OSBPL1A: variants seen among roughly 807,000 people sequenced by gnomAD.
OSBPL1A encodes oxysterol binding protein like 1A.
A neutral mutation model predicts 137.1 loss-of-function variants in OSBPL1A; 80 were observed. The ratio of observed to expected loss-of-function variants is 0.58; its 90% CI spans 0.49 to 0.70. The LOEUF (loss-of-function observed/expected upper bound fraction) is 0.70, where lower values mean the gene tolerates loss of function less well. Among genes scored for constraint, OSBPL1A ranks in the 30% least tolerant of loss-of-function variants. The pLI, the probability that OSBPL1A is intolerant of heterozygous loss-of-function variation, is 0.00. For synonymous variants in OSBPL1A, 365 were observed against 389.7 expected (o/e 0.94, Z 0.75); for missense variants, 970 against 1,129.4 (o/e 0.86, Z 2.02).
chr18:24,367,619 G>C (rs1283129678), intron 3 of OSBPL1A: 2 of 149,732 alleles, frequency 1.3e-5, no homozygotes, highest in African/African-American at 4.9e-5. Flanking sequence ...CTCCAGCCTG[G>C]GTGACAAAGT....
At chr18:24,348,419 C>A (rs964215154) in intron 4 of OSBPL1A, among the ~76,000 whole-genome samples, 2 of 152,108 alleles carry the variant, frequency 1.3e-5, no homozygotes, top group African/African-American at 4.8e-5. Context: ...TATTATTACA[C>A]CTCTTTTTAA....
chr18:24,373,555 C>T (rs1167455051), intron 2 of OSBPL1A, among the ~76,000 whole-genome samples: 1 of 152,134 alleles, frequency 6.6e-6, no homozygotes, highest in African/African-American at 2.4e-5. Flanking sequence ...TCTCCCAGAC[C>T]CTAAAAACAC....
intron 17 of OSBPL1A, among the ~76,000 whole-genome samples, chr18:24,213,673 A>G (rs916067240): frequency 1.3e-5 from 2 of 152,190 alleles, no homozygotes; most frequent in Non-Finnish European, 2.9e-5. Context: ...GATGTTTTAA[A>G]TTACTTATCT....
rs540160089 is a variant in OSBPL1A at position 24,376,730 on chromosome 18, A to T, written c.121+683T>A. 4.6e-3 allele frequency among the ~76,000 whole-genome samples: 705 copies of T among 152,356 alleles called. 4 individuals carry two copies. The highest frequency in any genetic ancestry group is 0.016 in the African/African-American group (675 of 41,588). On this transcript the variant is annotated intron_variant, in intron 2 of 27. Coordinates refer to ENST00000319481, the MANE Select transcript of OSBPL1A (RefSeq NM_080597.4). Reference sequence around the variant, plus strand: ...CAGGTCCTGAGCCCTGCCCCGCAGGAAGGCAGCTAAGGCCCGGTGAGAGAT... The same window carrying T: ...CAGGTCCTGAGCCCTGCCCCGCAGGTAGGCAGCTAAGGCCCGGTGAGAGAT...
chr18:24,358,331 AT>A (rs2091570044), intron 4 of OSBPL1A: 1 of 617,264 alleles, frequency 1.6e-6, no homozygotes, highest in African/African-American at 1.8e-5. Flanking sequence ...TTGAAGCATC[AT>A]CTCCTCTGCA....
chr18:24,167,254 C>A, intron 25 of OSBPL1A, 75 bp downstream of exon 25: 1 of 1,387,842 alleles, frequency 7.2e-7, no homozygotes. Flanking sequence ...CTGGGCCGAC[C>A]CTACACGTGC....
chr18:24,180,944 G>A (rs1023150806), intron 19 of OSBPL1A, among the ~76,000 whole-genome samples: 14 of 152,212 alleles, frequency 9.2e-5, no homozygotes, highest in African/African-American at 3.4e-4. Flanking sequence ...GCCACCTCCT[G>A]CTTCTCCTGC....
chr18:24,377,378 AT>A, intron 2 of OSBPL1A, 34 bp downstream of exon 2: 1 of 1,588,710 alleles, frequency 6.3e-7, no homozygotes, highest in Non-Finnish European at 8.5e-7. Context: ...GTGCAGACTC[AT>A]AAGAGAAAGC....
In OSBPL1A at chr18:24,167,190, G is replaced by A. The variant is rs1027911610; in HGVS notation, c.2535+139C>T. The A allele has an allele frequency of 2.2e-5, 16 of 720,058 alleles. No homozygotes were observed. In the African/African-American group the frequency reaches 2.8e-4, roughly 13 times the overall value. 44.6% of individuals were successfully genotyped at this position (720,058 alleles called of 1,614,324 possible). A position where few individuals can be genotyped will look rare whatever the true frequency, so the allele number is the denominator to read the frequency against. On this transcript the variant is annotated intron_variant, in intron 25 of 27. Transcript: ENST00000319481. ...CGCGCTGAGCTCAGGCAAGAAGGGA[G>A]CACCCGGGAGCCAGTGGGGGCTCAG...
chr18:24,163,112 A>C lies in OSBPL1A; in HGVS notation c.*67T>G. ...AAAAGATAAGTAGAAACCAAGGGAA[A>C]AAAATTTAAAAACATAGGTTTAAGA... On this transcript the variant is annotated 3_prime_UTR_variant, in exon 28 of 28. Transcript: ENST00000319481. 2 of 1,255,044 alleles carry C rather than the reference A, an allele frequency of 1.6e-6. No homozygotes were observed. Among genetic ancestry groups the C allele is most frequent in the South Asian group, 1.4e-5 (1 of 72,406 alleles). 77.7% of individuals were successfully genotyped at this position (1,255,044 alleles called of 1,614,324 possible).
chr18:24,307,274 C>T (rs910438926), intron 13 of OSBPL1A, among the ~76,000 whole-genome samples: 2 of 151,986 alleles, frequency 1.3e-5, no homozygotes, highest in Admixed American at 6.6e-5. Flanking sequence ...CAAAGTGAGA[C>T]CCTGTCTCAA....
At position 24,294,294 on chromosome 18, in the gene OSBPL1A, C is replaced by T. The variant is rs565349500; in HGVS notation, c.1174+9343G>A. 5.9e-5 allele frequency among the ~76,000 whole-genome samples: 9 copies of T among 151,728 alleles called. No individual in the cohort carries two copies. The South Asian group carries it at 1.7e-3, about 28-fold the overall frequency. On this transcript the variant is annotated intron_variant, in intron 14 of 27. Coordinates refer to ENST00000319481, the MANE Select transcript of OSBPL1A (RefSeq NM_080597.4). ...TTGCCCAGGCTGGAGTGCAGTGGCG[C>T]GATCTCGGCTCACTGCAACCTCCTC... is the stretch of plus-strand genomic sequence containing the variant.
chr18:24,194,231 A>G lies in OSBPL1A; in HGVS notation c.1677+1894T>C, dbSNP rs1042226999. Among the ~76,000 whole-genome samples, 69 of 152,372 alleles carry G rather than the reference A, an allele frequency of 4.5e-4. 1 individual carries two copies. The highest frequency in any genetic ancestry group is 1.6e-3 in the African/African-American group (66 of 41,590). ...TGACCAAATAACCTTACAAAGATAC[A>G]GTACAAATTCTATAGTAACTCAGAG... On this transcript the variant is annotated intron_variant, in intron 18 of 27. Coordinates refer to ENST00000319481, the MANE Select transcript of OSBPL1A (RefSeq NM_080597.4).
chr18:24,189,436 G>A (rs1041721670), intron 18 of OSBPL1A, among the ~76,000 whole-genome samples: 1 of 152,174 alleles, frequency 6.6e-6, no homozygotes, highest in African/African-American at 2.4e-5. Flanking sequence ...AAGCCCTGGT[G>A]GGTCCCCAGG....
intron 7 of OSBPL1A, among the ~76,000 whole-genome samples, chr18:24,331,567 T>G (rs2091078856): frequency 6.6e-6 from 1 of 151,562 alleles, no homozygotes; most frequent in Non-Finnish European, 1.5e-5. Context: ...CGGCTAATTT[T>G]TTGTATTTTT....
intron 15 of OSBPL1A, among the ~76,000 whole-genome samples, chr18:24,273,438 AAATG>A (rs1393318793): frequency 2.0e-5 from 3 of 152,230 alleles, no homozygotes; most frequent in Non-Finnish European, 4.4e-5. Context: ...CATGGCTCCT[AAATG>A]TGCCAGGTAC....
chr18:24,290,418 C>T (rs1362982489), intron 14 of OSBPL1A, among the ~76,000 whole-genome samples: 11 of 152,154 alleles, frequency 7.2e-5, no homozygotes, highest in African/African-American at 2.4e-4. Context: ...TAGTGGCTCA[C>T]GCCTGTAATC....
At chr18:24,327,871 G>GTT (rs1017021857) in intron 7 of OSBPL1A, among the ~76,000 whole-genome samples, 1 of 146,740 alleles carries the variant, frequency 6.8e-6, no homozygotes, top group African/African-American at 2.5e-5. Context: ...TACAAGGGAA[G>GTT]TTTTTTTTTT....
At chr18:24,194,878 T>C (rs940718501) in intron 18 of OSBPL1A, among the ~76,000 whole-genome samples, 21 of 152,184 alleles carry the variant, frequency 1.4e-4, no homozygotes, top group Non-Finnish European at 1.8e-4. Flanking sequence ...GAAATTTAGA[T>C]GAATTACTCT....
Sources: gnomAD v4.1 joint callset for allele counts (sites outside exome capture counted in the v4.1 genomes callset) on GRCh38, gnomAD v4.1.1 for gene constraint, MANE v1.5 for transcripts, NCBI Gene and HGNC (gene_info 2026-07-23, HGNC 2026-07-21) for gene names.